The following TBC1D30 variants were observed in gnomAD, a reference collection of about 807,000 sequenced individuals.
The protein encoded by TBC1D30 is TBC1 domain family, member 30.
A neutral mutation model predicts 63.2 loss-of-function variants in TBC1D30; 31 were observed. That is an observed-to-expected ratio of 0.49 (90% CI 0.37 to 0.66). TBC1D30 has a LOEUF of 0.66. Among genes scored for constraint, TBC1D30 ranks in the 30% least tolerant of loss-of-function variants. TBC1D30 has a pLI of 0.00. For synonymous variants in TBC1D30, 307 were observed against 361.5 expected (o/e 0.85, Z 1.71); for missense variants, 810 against 953.6 (o/e 0.85, Z 1.98).
intron 1 of TBC1D30, among the ~76,000 whole-genome samples, chr12:64,762,469 AT>A (rs1870552246): frequency 6.6e-6 from 1 of 152,232 alleles, no homozygotes; most frequent in African/African-American, 2.4e-5. Context: ...ACAGGGACAG[AT>A]TCAAATTTTG....
intron 1 of TBC1D30, among the ~76,000 whole-genome samples, chr12:64,765,651 T>G (rs1032264529): frequency 1.3e-5 from 2 of 151,818 alleles, no homozygotes; most frequent in African/African-American, 4.8e-5. Flanking sequence ...CTATTATAAC[T>G]TGTTCAAGTA....
chr12:64,766,356 A>G (rs542649563), intron 1 of TBC1D30, among the ~76,000 whole-genome samples: 2 of 151,066 alleles, frequency 1.3e-5, no homozygotes, highest in African/African-American at 2.5e-5. Context: ...CAGAAAAAAC[A>G]TAAAGAAAAT....
intron 9 of TBC1D30, 114 bp from the exon 10 acceptor site, chr12:64,866,650 T>C: frequency 9.8e-7 from 1 of 1,017,918 alleles, no homozygotes; most frequent in Non-Finnish European, 1.4e-6. Flanking sequence ...ATGTTAATTA[T>C]ATGTAATTCT....
chr12:64,803,970 T>C (rs1872723074), intron 2 of TBC1D30, among the ~76,000 whole-genome samples: 1 of 152,238 alleles, frequency 6.6e-6, no homozygotes. Flanking sequence ...TAGGATTGTC[T>C]TGGCAATGTG....
chr12:64,866,649 A>G, intron 9 of TBC1D30, 115 bp from the exon 10 acceptor site: 2 of 1,027,644 alleles, frequency 1.9e-6, no homozygotes, highest in Non-Finnish European at 2.7e-6. Flanking sequence ...AATGTTAATT[A>G]TATGTAATTC....
Position 64,875,210 on chromosome 12 carries a change from C to T in TBC1D30, c.1708C>T (p.Arg570Ter), listed in dbSNP as rs1427958132. ...CAACTCCCCGTGGCGAACTCACATC[C>T]GAGTCCACAAAAAGAACATGCCAAG... ...KLNSPWRTHIRVHKKNMPRTK... is the reference protein window; with the variant it reads ...KLNSPWRTHI The change falls in exon 12 of 12, where the codon CGA becomes TGA. Residue 570 changes from arginine to a stop codon, truncating the protein, a stop_gained. Transcript: ENST00000539867. LOFTEE classifies it low-confidence loss of function (END_TRUNC). 8 of 1,536,328 alleles carry T rather than the reference C, an allele frequency of 5.2e-6. No homozygotes were observed. Among genetic ancestry groups the T allele is most frequent in the Non-Finnish European group, 7.0e-6 (8 of 1,146,918 alleles).
intron 8 of TBC1D30, among the ~76,000 whole-genome samples, chr12:64,861,950 T>C (rs922026996): frequency 1.3e-5 from 2 of 152,198 alleles, no homozygotes; most frequent in Admixed American, 1.3e-4. Flanking sequence ...ACAAGGATCA[T>C]GTTTGATGAA....
At chr12:64,853,534 G>A (rs1877049355) in intron 8 of TBC1D30, among the ~76,000 whole-genome samples, 1 of 152,072 alleles carries the variant, frequency 6.6e-6, no homozygotes, top group African/African-American at 2.4e-5. Context: ...CACCACTGGG[G>A]TATGAAAAAA....
At chr12:64,852,485 G>A (rs1289030365) in intron 8 of TBC1D30, among the ~76,000 whole-genome samples, 2 of 152,044 alleles carry the variant, frequency 1.3e-5, no homozygotes, top group Admixed American at 1.3e-4. Flanking sequence ...GCCTACTTCT[G>A]TCAATTCGTC....
intron 2 of TBC1D30, among the ~76,000 whole-genome samples, chr12:64,808,444 C>T (rs1873011238): frequency 6.6e-6 from 1 of 152,148 alleles, no homozygotes; most frequent in East Asian, 1.9e-4. Context: ...ACATTGCTTG[C>T]ACAGGGGAGG....
At chr12:64,825,367 C>T (rs888096329) in intron 1 of TBC1D30, 9 of 301,818 alleles carry the variant, frequency 3.0e-5, no homozygotes, top group Non-Finnish European at 4.9e-5. Context: ...GAGGCCGCAC[C>T]ACCTATTGTG....
At chr12:64,769,816 G>A (rs752235251) in intron 1 of TBC1D30, among the ~76,000 whole-genome samples, 34 of 152,086 alleles carry the variant, frequency 2.2e-4, no homozygotes, top group Non-Finnish European at 4.0e-4. Flanking sequence ...CACTGGGCTC[G>A]GCTGAAAAAT....
At chr12:64,858,194 C>T (rs1313271599) in intron 8 of TBC1D30, among the ~76,000 whole-genome samples, 2 of 152,218 alleles carry the variant, frequency 1.3e-5, no homozygotes, top group African/African-American at 4.8e-5. Context: ...GCCGCCCACC[C>T]TCCATTCCCA....
intron 2 of TBC1D30, among the ~76,000 whole-genome samples, chr12:64,817,737 C>T (rs1481116893): frequency 6.6e-6 from 1 of 152,152 alleles, no homozygotes. Flanking sequence ...ATATGAGAAA[C>T]CTCTCCTTTC....
chr12:64,867,880 G>C (rs1565688938), intron 10 of TBC1D30: 1 of 152,026 alleles, frequency 6.6e-6, no homozygotes, highest in Non-Finnish European at 1.5e-5. Context: ...TCTTCTCTTT[G>C]CTTTTTTTTT....
At chr12:64,825,437 G>A (rs1874241740) in intron 1 of TBC1D30, 1 of 181,726 alleles carries the variant, frequency 5.5e-6, no homozygotes, top group Admixed American at 6.2e-5. Flanking sequence ...GAGTGGCACA[G>A]GTTTGACACT....
intron 1 of TBC1D30, among the ~76,000 whole-genome samples, chr12:64,772,722 C>G (rs1214365735): frequency 6.6e-6 from 1 of 152,198 alleles, no homozygotes; most frequent in Non-Finnish European, 1.5e-5. Flanking sequence ...GCCACTGCGC[C>G]TGGCCTACAT....
intron 2 of TBC1D30, among the ~76,000 whole-genome samples, chr12:64,787,758 G>C (rs975593495): frequency 4.6e-5 from 7 of 152,110 alleles, no homozygotes; most frequent in African/African-American, 1.7e-4. Flanking sequence ...GCTGCAGGCC[G>C]GGCATGGCGG....
chr12:64,847,801 A>G (rs1337123766), intron 8 of TBC1D30, among the ~76,000 whole-genome samples: 1 of 152,158 alleles, frequency 6.6e-6, no homozygotes, highest in African/African-American at 2.4e-5. Context: ...GACCTAACAT[A>G]TGATCTATCC....
Sources: allele counts gnomAD v4.1 joint callset (sites outside exome capture counted in the v4.1 genomes callset), GRCh38; gene constraint gnomAD v4.1.1; transcripts MANE v1.5; gene names NCBI Gene and HGNC (gene_info 2026-07-23, HGNC 2026-07-21).